The following CEP128 variants were observed in gnomAD, a reference collection of about 807,000 sequenced individuals.
CEP128 encodes centrosomal protein 128kDa.
In CEP128, 132 loss-of-function variants were observed where a neutral mutation model predicts 156.7. The ratio of observed to expected loss-of-function variants is 0.84; its 90% CI spans 0.73 to 0.97. The LOEUF (loss-of-function observed/expected upper bound fraction) is 0.97, where lower values mean the gene tolerates loss of function less well. Among genes scored for constraint, CEP128 ranks in the 50% least tolerant of loss-of-function variants. CEP128 has a pLI of 0.00. For missense variants in CEP128, 1,252 were observed against 1,281.9 expected (o/e 0.98, Z 0.36); for synonymous variants, 469 against 448.9 (o/e 1.04, Z -0.57).
At chr14:80,829,077 A>C (rs1005312454) in intron 13 of CEP128, among the ~76,000 whole-genome samples, 1 of 152,216 alleles carries the variant, frequency 6.6e-6, no homozygotes, top group Non-Finnish European at 1.5e-5. Context: ...CTTGGGAACA[A>C]AGATATTCAA....
intron 21 of CEP128, 175 bp from the exon 22 acceptor site, chr14:80,531,061 T>C: frequency 2.9e-6 from 1 of 349,646 alleles, no homozygotes; most frequent in Middle Eastern, 7.9e-4. Flanking sequence ...CTTTTGAAAA[T>C]AGAAGAATTA....
At chr14:80,585,626 T>C (rs548685089) in intron 19 of CEP128, among the ~76,000 whole-genome samples, 20 of 152,304 alleles carry the variant, frequency 1.3e-4, no homozygotes, top group Non-Finnish European at 2.8e-4. Context: ...ACAACAGCAC[T>C]GGACAGAGTA....
intron 4 of CEP128, among the ~76,000 whole-genome samples, chr14:80,910,454 G>C (rs1884142076): frequency 6.6e-6 from 1 of 152,158 alleles, no homozygotes; most frequent in East Asian, 1.9e-4. Context: ...ATGAGATCTG[G>C]TTGTTTAAAA....
intron 6 of CEP128, 60 bp downstream of exon 6, chr14:80,904,753 T>C: frequency 1.1e-6 from 1 of 945,556 alleles, no homozygotes; most frequent in Non-Finnish European, 1.7e-6. Flanking sequence ...CATTAGTCAT[T>C]TATATACAAT....
chr14:80,875,294 C>A (rs1220445370), intron 8 of CEP128, among the ~76,000 whole-genome samples: 1 of 152,164 alleles, frequency 6.6e-6, no homozygotes, highest in East Asian at 1.9e-4. Context: ...ATAAGATAAT[C>A]CAAGATTGCT....
chr14:80,574,018 T>A (rs1891254971), intron 20 of CEP128, among the ~76,000 whole-genome samples: 1 of 152,210 alleles, frequency 6.6e-6, no homozygotes, highest in African/African-American at 2.4e-5. Flanking sequence ...AATACGTGGG[T>A]ATGCATTACA....
intron 9 of CEP128, among the ~76,000 whole-genome samples, chr14:80,841,627 A>G (rs1886352719): frequency 6.6e-6 from 1 of 152,020 alleles, no homozygotes; most frequent in Non-Finnish European, 1.5e-5. Flanking sequence ...ACTCCTCATG[A>G]TGATTCTATG....
rs1895151906 is a variant in CEP128 at position 80,656,296 on chromosome 14, TA to T, written c.2807-75874del. On this transcript the variant is annotated intron_variant, in intron 19 of 24. Coordinates refer to ENST00000555265, the MANE Select transcript of CEP128 (RefSeq NM_152446.5). ...GTTTTTATTTATATATATATTTATA[TA>T]TATATATATATATATATATATATAT... Among the ~76,000 whole-genome samples the T allele has an allele frequency of 1.3e-3, 5 of 3,756 alleles. No homozygotes were observed. The Admixed American group carries it at 0.014, about 10-fold the overall frequency. The allele number at this position is 3,756 out of a possible 152,430, so 2.5% of individuals were successfully genotyped here.
At chr14:80,876,191 C>G (rs1888272537) in intron 8 of CEP128, among the ~76,000 whole-genome samples, 1 of 151,958 alleles carries the variant, frequency 6.6e-6, no homozygotes, top group African/African-American at 2.4e-5. Context: ...TCAAAACACA[C>G]ACACACACAT....
chr14:80,502,618 G>A (rs1202810791), intron 24 of CEP128, among the ~76,000 whole-genome samples: 1 of 151,626 alleles, frequency 6.6e-6, no homozygotes, highest in Non-Finnish European at 1.5e-5. Flanking sequence ...TTCTGACACC[G>A]CTTAGTCTGT....
At chr14:80,574,818 C>CTA (rs1420149501) in intron 20 of CEP128, among the ~76,000 whole-genome samples, 4 of 152,026 alleles carry the variant, frequency 2.6e-5, no homozygotes, top group Non-Finnish European at 4.4e-5. Context: ...TGCCTAAGCA[C>CTA]TATTGAGGTG....
intron 16 of CEP128, among the ~76,000 whole-genome samples, chr14:80,774,977 A>G (rs1380106869): frequency 6.6e-6 from 1 of 152,162 alleles, no homozygotes; most frequent in East Asian, 1.9e-4. Context: ...TTTATTACTA[A>G]CACATCATTA....
intron 19 of CEP128, among the ~76,000 whole-genome samples, chr14:80,617,219 C>CTTTGTTTTT (rs1893254518): frequency 1.7e-5 from 1 of 60,216 alleles, no homozygotes; most frequent in African/African-American, 6.5e-5. Context: ...TGAATATCAT[C>CTTTGTTTTT]TTTTTTTTTT....
chr14:80,787,929 C>T (rs1432947993), intron 14 of CEP128, among the ~76,000 whole-genome samples: 1 of 152,150 alleles, frequency 6.6e-6, no homozygotes, highest in Non-Finnish European at 1.5e-5. Flanking sequence ...AAAGCTCAGG[C>T]TCTGCTACTC....
At chr14:80,781,480 T>C (rs1410794503) in intron 15 of CEP128, among the ~76,000 whole-genome samples, 2 of 130,824 alleles carry the variant, frequency 1.5e-5, no homozygotes, top group Non-Finnish European at 3.2e-5. Context: ...AAAAAAGTAA[T>C]GAATGTACAT....
chr14:80,645,187 A>T (rs1031659895), intron 19 of CEP128, among the ~76,000 whole-genome samples: 10 of 152,214 alleles, frequency 6.6e-5, no homozygotes, highest in Non-Finnish European at 1.2e-4. Context: ...ACTATACAGT[A>T]AAACTGAAGA....
chr14:80,535,685 G>A (rs1341940428), intron 21 of CEP128, among the ~76,000 whole-genome samples: 1 of 152,160 alleles, frequency 6.6e-6, no homozygotes, highest in East Asian at 1.9e-4. Context: ...TGTCAGAGGA[G>A]TTTTATGATA....
At chr14:80,929,148 C>A (rs1453102627) in intron 2 of CEP128, among the ~76,000 whole-genome samples, 1 of 151,958 alleles carries the variant, frequency 6.6e-6, no homozygotes, top group Non-Finnish European at 1.5e-5. Flanking sequence ...TCAGAGAAAT[C>A]CAAATGAAAG....
At chr14:80,717,247 C>T (rs550875802) in intron 19 of CEP128, among the ~76,000 whole-genome samples, 1 of 152,240 alleles carries the variant, frequency 6.6e-6, no homozygotes, top group African/African-American at 2.4e-5. Context: ...GTCCCTTTCA[C>T]GGCACCTAGC....
Sources: gnomAD v4.1 joint callset for allele counts (sites outside exome capture counted in the v4.1 genomes callset) on GRCh38, gnomAD v4.1.1 for gene constraint, MANE v1.5 for transcripts, NCBI Gene and HGNC (gene_info 2026-07-23, HGNC 2026-07-21) for gene names.